The following PVT1 variants were observed in gnomAD, a reference collection of about 807,000 sequenced individuals.
The protein encoded by PVT1 is Pvt1 oncogene.
At chr8:127,812,232 C>CAGGAAGGAAGGAAGGCAGGAAGGCAGGA in intron 2 of PVT1, among the ~76,000 whole-genome samples, 1 of 130,096 alleles carries the variant, frequency 7.7e-6, no homozygotes, top group East Asian at 2.3e-4. Flanking sequence ...GGCAGGAAGG[C>CAGGAAGGAAGGAAGGCAGGAAGGCAGGA]AGGAAGGAAG....
At chr8:127,828,407 T>C (rs148092436) in intron 2 of PVT1, among the ~76,000 whole-genome samples, 42 of 152,314 alleles carry the variant, frequency 2.8e-4, no homozygotes, top group Admixed American at 8.5e-4. Context: ...CCCTAAATCA[T>C]GGGGCTTTTA....
intron 3 of PVT1, among the ~76,000 whole-genome samples, chr8:127,930,365 G>T (rs948466572): frequency 6.6e-6 from 1 of 152,158 alleles, no homozygotes; most frequent in Non-Finnish European, 1.5e-5. Flanking sequence ...TGCCATGTTG[G>T]CCAGGCTGGT....
chr8:128,002,289 G>A (rs1257818422), intron 4 of PVT1, among the ~76,000 whole-genome samples: 1 of 152,184 alleles, frequency 6.6e-6, no homozygotes, highest in Non-Finnish European at 1.5e-5. Flanking sequence ...CATGATCATT[G>A]TGATGAGCCA....
intron 2 of PVT1, among the ~76,000 whole-genome samples, chr8:127,868,132 C>T (rs1299952249): frequency 6.6e-6 from 1 of 152,144 alleles, no homozygotes; most frequent in Non-Finnish European, 1.5e-5. Context: ...AAGTCCTTTG[C>T]AAATATTAAG....
chr8:127,810,370 T>A (rs1162801870), intron 2 of PVT1, among the ~76,000 whole-genome samples: 2 of 152,260 alleles, frequency 1.3e-5, no homozygotes, highest in Non-Finnish European at 2.9e-5. Context: ...GTAAACTAGA[T>A]CCTGAAAGGC....
chr8:127,880,086 G>A (rs560077167), intron 2 of PVT1, among the ~76,000 whole-genome samples: 2 of 151,732 alleles, frequency 1.3e-5, no homozygotes, highest in Non-Finnish European at 2.9e-5. Flanking sequence ...CTGCCAGCCC[G>A]CCAGGGCAAC....
At chr8:128,037,398 C>T (rs1350952090) in intron 4 of PVT1, among the ~76,000 whole-genome samples, 2 of 152,110 alleles carry the variant, frequency 1.3e-5, no homozygotes, top group East Asian at 3.8e-4. Context: ...TGCTTTGATT[C>T]GCTATAGAGA....
At chr8:127,938,021 C>T (rs1325624638) in intron 3 of PVT1, among the ~76,000 whole-genome samples, 1 of 152,210 alleles carries the variant, frequency 6.6e-6, no homozygotes, top group East Asian at 1.9e-4. Context: ...CTTCCAAGAT[C>T]AGTCTCTTTC....
intron 2 of PVT1, among the ~76,000 whole-genome samples, chr8:127,879,468 G>A (rs1307917983): frequency 1.3e-5 from 2 of 152,228 alleles, no homozygotes; most frequent in African/African-American, 4.8e-5. Context: ...GGTGGAGGTT[G>A]TAGTGAGCTG....
chr8:128,057,829 C>A, intron 4 of PVT1, among the ~76,000 whole-genome samples: 1 of 152,192 alleles, frequency 6.6e-6, no homozygotes, highest in East Asian at 1.9e-4. Flanking sequence ...CTTATCCTGA[C>A]AGCTGCGAGA....
intron 2 of PVT1, among the ~76,000 whole-genome samples, chr8:127,797,539 CT>C (rs1013220111): frequency 2.0e-5 from 3 of 152,174 alleles, no homozygotes; most frequent in Admixed American, 1.3e-4. Context: ...AATTCAAGGC[CT>C]TTTGGAATGC....
At chr8:128,020,197 T>G (rs7009875) in intron 4 of PVT1, among the ~76,000 whole-genome samples, 3,351 of 152,262 alleles carry the variant, frequency 0.022, 126 homozygotes, top group African/African-American at 0.073. Context: ...AGAATGGCCC[T>G]CTAAAGATGC....
chr8:127,881,275 T>A (rs1349153252), intron 2 of PVT1, among the ~76,000 whole-genome samples: 2 of 152,064 alleles, frequency 1.3e-5, no homozygotes, highest in Non-Finnish European at 2.9e-5. Context: ...GACTATCTGC[T>A]TGTGTTGTGA....
intron 2 of PVT1, among the ~76,000 whole-genome samples, chr8:127,879,673 G>A (rs756232878): frequency 2.3e-4 from 35 of 152,278 alleles, no homozygotes; most frequent in Admixed American, 7.8e-4. Context: ...CAGTGTTCTC[G>A]TTTCTTAGTG....
chr8:127,998,666 T>C (rs1817136616), intron 4 of PVT1, among the ~76,000 whole-genome samples: 1 of 149,238 alleles, frequency 6.7e-6, no homozygotes, highest in African/African-American at 2.5e-5. Flanking sequence ...CTTTTTTCCT[T>C]CCTTCCTTCC....
intron 4 of PVT1, among the ~76,000 whole-genome samples, chr8:128,064,629 G>A (rs1007021954): frequency 5.3e-5 from 8 of 152,212 alleles, no homozygotes; most frequent in African/African-American, 1.9e-4. Context: ...ATCTGAGAGA[G>A]TCCCATTTGA....
chr8:127,853,498 G>T (rs1297744830), intron 2 of PVT1, among the ~76,000 whole-genome samples: 1 of 151,956 alleles, frequency 6.6e-6, no homozygotes, highest in Non-Finnish European at 1.5e-5. Context: ...TGAATGAGAG[G>T]AGCCATGCGT....
At chr8:128,017,594 ATT>A (rs571581812) in intron 4 of PVT1, among the ~76,000 whole-genome samples, 1 of 140,782 alleles carries the variant, frequency 7.1e-6, no homozygotes, top group African/African-American at 2.6e-5. Context: ...ACCAAGCGCT[ATT>A]TTTTTTTTTT....
chr8:127,817,559 A>ACG, intron 2 of PVT1, among the ~76,000 whole-genome samples: 1 of 104,770 alleles, frequency 9.5e-6, no homozygotes, highest in Non-Finnish European at 2.1e-5. Context: ...ACACACACAC[A>ACG]CATATATATA....
Sources: allele counts gnomAD v4.1 joint callset (sites outside exome capture counted in the v4.1 genomes callset), GRCh38; gene constraint gnomAD v4.1.1; transcripts MANE v1.5; gene names NCBI Gene and HGNC (gene_info 2026-07-23, HGNC 2026-07-21).